The following RPSA2 variants were observed in gnomAD, a reference collection of about 807,000 sequenced individuals.
RPSA2 encodes the protein ribosomal protein SA 2, also known as small ribosomal subunit protein uS2B.
At chr19:23,769,224 C>T in the RPSA2 span, among the ~76,000 whole-genome samples, 3 of 152,202 alleles carry the variant, frequency 2.0e-5, no homozygotes. Flanking sequence ...GCCCTACCCA[C>T]TGGAGTGATT....
the RPSA2 span, among the ~76,000 whole-genome samples, chr19:23,859,717 G>A: frequency 1.3e-5 from 2 of 152,058 alleles, no homozygotes; most frequent in Admixed American, 6.6e-5. Context: ...TAAGCTTTTG[G>A]CATGCCCATT....
chr19:23,826,164 A>T, the RPSA2 span, among the ~76,000 whole-genome samples: 1 of 151,748 alleles, frequency 6.6e-6, no homozygotes, highest in African/African-American at 2.4e-5. Flanking sequence ...TTAAACAACA[A>T]GTACTAATTT....
chr19:23,851,217 T>C, the RPSA2 span, among the ~76,000 whole-genome samples: 30 of 6,398 alleles, frequency 4.7e-3, no homozygotes, highest in South Asian at 0.44. Flanking sequence ...CTTTAGGAGT[T>C]AGGCCCTCTG....
the RPSA2 span, among the ~76,000 whole-genome samples, chr19:23,796,799 T>G: frequency 6.6e-6 from 1 of 152,052 alleles, no homozygotes; most frequent in Non-Finnish European, 1.5e-5. Flanking sequence ...CTCCTGTTAT[T>G]TCTAATTGTG....
chr19:23,847,693 G>C, the RPSA2 span, among the ~76,000 whole-genome samples: 1 of 152,138 alleles, frequency 6.6e-6, no homozygotes. Context: ...AAATTTACCA[G>C]GCTGGAGTTT....
At chr19:23,788,098 T>A in the RPSA2 span, among the ~76,000 whole-genome samples, 1 of 152,226 alleles carries the variant, frequency 6.6e-6, no homozygotes, top group Non-Finnish European at 1.5e-5. Flanking sequence ...GTCGCCTAAA[T>A]GATAGGTCTC....
the RPSA2 span, chr19:23,832,264 C>A: frequency 2.2e-6 from 1 of 447,680 alleles, no homozygotes; most frequent in South Asian, 1.7e-5. Context: ...GTTCTCAACC[C>A]TTACGAAACA....
the RPSA2 span, among the ~76,000 whole-genome samples, chr19:23,854,709 T>G: frequency 2.0e-5 from 3 of 152,186 alleles, no homozygotes; most frequent in African/African-American, 7.2e-5. Flanking sequence ...ACAATGCAAT[T>G]TTTTTGAGTA....
the RPSA2 span, among the ~76,000 whole-genome samples, chr19:23,767,586 C>T: frequency 6.6e-6 from 1 of 152,020 alleles, no homozygotes; most frequent in African/African-American, 2.4e-5. Flanking sequence ...TACAAAGTGT[C>T]TCCTGGGAAG....
chr19:23,780,419 G>A, the RPSA2 span, among the ~76,000 whole-genome samples: 7 of 152,056 alleles, frequency 4.6e-5, no homozygotes, highest in Admixed American at 2.6e-4. Flanking sequence ...TGAGGTGGGC[G>A]GATCACAAGG....
chr19:23,813,475 G>A, the RPSA2 span, among the ~76,000 whole-genome samples: 4 of 151,784 alleles, frequency 2.6e-5, no homozygotes, highest in East Asian at 7.8e-4. Context: ...TTTACTACTG[G>A]CTGATTTCAG....
chr19:23,832,995 C>A, the RPSA2 span: 111 of 1,433,380 alleles, frequency 7.7e-5, no homozygotes, highest in Middle Eastern at 1.9e-4. Context: ...GTGGCAAAGC[C>A]TTTAGGCAGT....
At chr19:23,783,750 A>C in the RPSA2 span, among the ~76,000 whole-genome samples, 148,831 of 152,154 alleles carry the variant, frequency 0.98, 72,883 homozygotes, top group Middle Eastern at 1. Context: ...ATGAAACCCT[A>C]TACTTCTGCC....
chr19:23,841,396 G>A, the RPSA2 span, among the ~76,000 whole-genome samples: 7,335 of 151,886 alleles, frequency 0.048, 326 homozygotes, highest in South Asian at 0.08. Context: ...CCTGAGGGGC[G>A]GAGCTTGCAG....
At chr19:23,853,811 C>T in the RPSA2 span, among the ~76,000 whole-genome samples, 4 of 152,154 alleles carry the variant, frequency 2.6e-5, no homozygotes, top group Non-Finnish European at 5.9e-5. Flanking sequence ...AGGGCCAGTG[C>T]AAGGCAAGAT....
chr19:23,829,541 T>C, the RPSA2 span, among the ~76,000 whole-genome samples: 1 of 152,214 alleles, frequency 6.6e-6, no homozygotes, highest in African/African-American at 2.4e-5. Context: ...CTTCAGGTGA[T>C]CCACCCGCCT....
the RPSA2 span, among the ~76,000 whole-genome samples, chr19:23,830,873 GCTAC>G: frequency 2.0e-5 from 3 of 151,844 alleles, no homozygotes; most frequent in Admixed American, 2.0e-4. Context: ...ATTAAAAAAA[GCTAC>G]CTGTCAAAAT....
the RPSA2 span, among the ~76,000 whole-genome samples, chr19:23,789,018 TC>T: frequency 3.3e-5 from 2 of 61,040 alleles, no homozygotes; most frequent in Non-Finnish European, 3.2e-5. Context: ...TTTTTTTCTT[TC>T]TTTCTTTTTT....
the RPSA2 span, among the ~76,000 whole-genome samples, chr19:23,864,604 CT>C: frequency 6.6e-6 from 1 of 152,094 alleles, no homozygotes; most frequent in Non-Finnish European, 1.5e-5. Context: ...ATTGCTTATT[CT>C]AAAGTTGGCT....
Sources: gnomAD v4.1 joint callset for allele counts (sites outside exome capture counted in the v4.1 genomes callset) on GRCh38, gnomAD v4.1.1 for gene constraint, MANE v1.5 for transcripts, NCBI Gene and HGNC (gene_info 2026-07-23, HGNC 2026-07-21) for gene names.